Variants in HS3ST5 observed in about 807,000 individuals in gnomAD.
The protein encoded by HS3ST5 is heparan sulfate glucosamine 3-O-sulfotransferase 5.
Under a neutral mutation model 25.4 loss-of-function variants are expected in HS3ST5, and 10 were observed. The observed-to-expected ratio is 0.39, with a 90% confidence interval of 0.24 to 0.67. HS3ST5 has a LOEUF of 0.67. HS3ST5 is among the 30% of genes least tolerant of loss of function. HS3ST5 has a pLI of 0.44. For synonymous variants in HS3ST5, 170 were observed against 162.4 expected (o/e 1.05, Z -0.36); for missense variants, 324 against 420.7 (o/e 0.77, Z 2.01).
intron 4 of HS3ST5, among the ~76,000 whole-genome samples, chr6:114,061,399 C>T (rs1032220935): frequency 2.6e-5 from 4 of 152,118 alleles, no homozygotes; most frequent in African/African-American, 9.7e-5. Context: ...GACAATTACT[C>T]AGGAATTTTG....
chr6:114,106,404 A>C (rs1211617528), intron 3 of HS3ST5, among the ~76,000 whole-genome samples: 1 of 152,112 alleles, frequency 6.6e-6, no homozygotes, highest in Admixed American at 6.5e-5. Context: ...TTTGAATTGA[A>C]CAAAAAAGAC....
At chr6:114,244,830 AG>A (rs1454552884) in intron 1 of HS3ST5, among the ~76,000 whole-genome samples, 1 of 152,200 alleles carries the variant, frequency 6.6e-6, no homozygotes, top group Non-Finnish European at 1.5e-5. Context: ...ACCACTTATG[AG>A]GGCTTTTAAA....
chr6:114,149,853 T>TA (rs564264834), intron 3 of HS3ST5, among the ~76,000 whole-genome samples: 1 of 152,248 alleles, frequency 6.6e-6, no homozygotes, highest in Non-Finnish European at 1.5e-5. Context: ...GTTTAGTTTT[T>TA]ATCAACTATT....
intron 1 of HS3ST5, among the ~76,000 whole-genome samples, chr6:114,327,920 G>T (rs1353504622): frequency 6.6e-6 from 1 of 152,142 alleles, no homozygotes; most frequent in Non-Finnish European, 1.5e-5. Flanking sequence ...TTGGAAAGGT[G>T]ATATTGCTCA....
chr6:114,266,724 G>T (rs1773418588), intron 1 of HS3ST5, among the ~76,000 whole-genome samples: 1 of 152,034 alleles, frequency 6.6e-6, no homozygotes. Flanking sequence ...CCAGCTTTTT[G>T]CAAATAATAT....
chr6:114,257,962 T>C (rs1272977942), intron 1 of HS3ST5, among the ~76,000 whole-genome samples: 3 of 152,170 alleles, frequency 2.0e-5, no homozygotes, highest in Non-Finnish European at 2.9e-5. Flanking sequence ...TCTCGCTATG[T>C]TGCCCAGGCT....
At chr6:114,127,948 A>G (rs1035420166) in intron 3 of HS3ST5, among the ~76,000 whole-genome samples, 1 of 150,588 alleles carries the variant, frequency 6.6e-6, no homozygotes, top group Admixed American at 6.6e-5. Context: ...ATATATATAT[A>G]AAATAAATAT....
At chr6:114,335,587 T>G (rs1341951419) in intron 1 of HS3ST5, among the ~76,000 whole-genome samples, 1 of 152,056 alleles carries the variant, frequency 6.6e-6, no homozygotes, top group African/African-American at 2.4e-5. Flanking sequence ...AAGAATCAAG[T>G]GAACTTATAA....
chr6:114,061,005 T>C (rs1773085929), intron 4 of HS3ST5, among the ~76,000 whole-genome samples: 1 of 151,716 alleles, frequency 6.6e-6, no homozygotes, highest in African/African-American at 2.4e-5. Context: ...TACTGGAGAG[T>C]GGGCCTAAAT....
intron 1 of HS3ST5, among the ~76,000 whole-genome samples, chr6:114,298,909 G>A (rs1468102301): frequency 2.0e-5 from 3 of 152,034 alleles, no homozygotes; most frequent in African/African-American, 4.8e-5. Flanking sequence ...TGATGATTGC[G>A]TTAACTGCAC....
chr6:114,200,623 C>T (rs1020687446), intron 2 of HS3ST5, among the ~76,000 whole-genome samples: 1 of 151,978 alleles, frequency 6.6e-6, no homozygotes, highest in African/African-American at 2.4e-5. Flanking sequence ...CTCCCCCAGC[C>T]CCCAACCCCC....
chr6:114,210,996 G>A (rs1422894850), intron 2 of HS3ST5, among the ~76,000 whole-genome samples: 15 of 152,068 alleles, frequency 9.9e-5, no homozygotes, highest in East Asian at 1.9e-4. Flanking sequence ...CCTAGGTGTC[G>A]TACTCTGAAC....
At chr6:114,286,273 A>G (rs957363711) in intron 1 of HS3ST5, among the ~76,000 whole-genome samples, 1 of 152,014 alleles carries the variant, frequency 6.6e-6, no homozygotes, top group African/African-American at 2.4e-5. Context: ...AAATGGTCAA[A>G]TTCATATACT....
chr6:114,161,760 A>G (rs1778985524), intron 3 of HS3ST5, among the ~76,000 whole-genome samples: 1 of 142,726 alleles, frequency 7.0e-6, no homozygotes, highest in Non-Finnish European at 1.5e-5. Context: ...CCTACTTTGG[A>G]TAAATCATAA....
intron 1 of HS3ST5, among the ~76,000 whole-genome samples, chr6:114,311,084 A>C (rs764495858): frequency 7.9e-5 from 12 of 152,210 alleles, no homozygotes; most frequent in Non-Finnish European, 1.2e-4. Context: ...AGAATGCAAA[A>C]TTATACCTAC....
At chr6:114,202,850 A>C (rs184339804) in intron 2 of HS3ST5, among the ~76,000 whole-genome samples, 137 of 152,318 alleles carry the variant, frequency 9.0e-4, no homozygotes, top group African/African-American at 3.0e-3. Flanking sequence ...AATTTGATTA[A>C]CTCTCCTCAA....
Position 114,057,464 on chromosome 6 carries a change from C to A in HS3ST5, c.834G>T (p.Arg278Ser). 6.2e-7 allele frequency: 1 copy of A among 1,614,096 alleles called. No homozygotes were observed. Among genetic ancestry groups the A allele is most frequent in the Non-Finnish European group, 8.5e-7 (1 of 1,180,006 alleles). ...TGAAGTATAAATTGTATTGACTTAT[C>A]CTTGGAGGCAGATTTAGGAACTTCT... Reference protein sequence around the residue: ...LVEKFLNLPPRISQYNLYFNA... With the variant: ...LVEKFLNLPPSISQYNLYFNA... Residue 278 changes from arginine to serine, a missense_variant, in exon 5 of 5, where the codon AGG becomes AGT. Coordinates refer to ENST00000312719, the MANE Select transcript of HS3ST5 (RefSeq NM_153612.4).
intron 3 of HS3ST5, among the ~76,000 whole-genome samples, chr6:114,154,788 G>A (rs958788996): frequency 6.6e-6 from 1 of 152,106 alleles, no homozygotes; most frequent in Admixed American, 6.5e-5. Context: ...TGTGCTTCAC[G>A]CAGATGTGGG....
At chr6:114,287,798 C>CTGAAATTGTCCAAT (rs1315613910) in intron 1 of HS3ST5, among the ~76,000 whole-genome samples, 1 of 152,002 alleles carries the variant, frequency 6.6e-6, no homozygotes, top group Non-Finnish European at 1.5e-5. Context: ...TATCCTATTT[C>CTGAAATTGTCCAAT]TGAAATTGTC....
Sources: gnomAD v4.1 joint callset for allele counts (sites outside exome capture counted in the v4.1 genomes callset) on GRCh38, gnomAD v4.1.1 for gene constraint, MANE v1.5 for transcripts, NCBI Gene and HGNC (gene_info 2026-07-23, HGNC 2026-07-21) for gene names.